MAPK9: variants seen among roughly 807,000 people sequenced by gnomAD.
MAPK9 encodes Jun kinase.
MAPK9 carries 30 observed loss-of-function variants against 57.1 expected under a neutral mutation model. The observed-to-expected ratio is 0.53, with a 90% confidence interval of 0.39 to 0.71. The LOEUF (loss-of-function observed/expected upper bound fraction) is 0.71, where lower values mean the gene tolerates loss of function less well. Among genes scored for constraint, MAPK9 ranks in the 30% least tolerant of loss-of-function variants. MAPK9 has a pLI of 0.00. For missense variants in MAPK9, 362 were observed against 521.0 expected (o/e 0.69, Z 2.97); for synonymous variants, 155 against 177.0 (o/e 0.88, Z 0.99).
intron 2 of MAPK9, among the ~76,000 whole-genome samples, chr5:180,274,138 T>C (rs1761607483): frequency 6.6e-6 from 1 of 152,222 alleles, no homozygotes; most frequent in Non-Finnish European, 1.5e-5. Context: ...GCTTTTTGTA[T>C]ACAAGTCTTT....
At chr5:180,267,430 C>T (rs527933369) in intron 3 of MAPK9, among the ~76,000 whole-genome samples, 39 of 151,734 alleles carry the variant, frequency 2.6e-4, no homozygotes, top group South Asian at 2.5e-3. Flanking sequence ...GGTGTGGTGG[C>T]GGGCACCTGT....
chr5:180,248,646 A>G (rs371964454), intron 6 of MAPK9, among the ~76,000 whole-genome samples: 220 of 152,296 alleles, frequency 1.4e-3, no homozygotes, highest in African/African-American at 5.1e-3. Context: ...AGGAGGGGCC[A>G]TGGGGAGGCC....
intron 3 of MAPK9, among the ~76,000 whole-genome samples, chr5:180,268,144 C>T (rs968281523): frequency 6.6e-6 from 1 of 152,168 alleles, no homozygotes; most frequent in Non-Finnish European, 1.5e-5. Flanking sequence ...AATTTTATAA[C>T]ATGGCAACGT....
intron 7 of MAPK9, among the ~76,000 whole-genome samples, chr5:180,244,260 G>A (rs555168121): frequency 6.6e-6 from 1 of 152,150 alleles, no homozygotes; most frequent in East Asian, 1.9e-4. Flanking sequence ...TGGGCTCCCG[G>A]CTACACTAAG....
Position 180,292,053 on chromosome 5 carries a change from C to G in MAPK9, c.-253G>C, listed in dbSNP as rs1266931264. 3 of 152,340 alleles carry G rather than the reference C, an allele frequency of 2.0e-5. No individual in the cohort carries two copies. The highest frequency in any genetic ancestry group is 4.4e-5 in the Non-Finnish European group (3 of 68,362). 9.4% of individuals were successfully genotyped at this position (152,340 alleles called of 1,614,324 possible). ...GACCCTTCCGGTCCCGCTCCCTTCT[C>G]CGCCGCTGCCGCCGCCGCGGCGCCC... On this transcript the variant is annotated 5_prime_UTR_variant, in exon 1 of 12. Coordinates refer to ENST00000452135, the MANE Select transcript of MAPK9 (RefSeq NM_002752.5).
At chr5:180,267,620 C>T (rs1052569426) in intron 3 of MAPK9, among the ~76,000 whole-genome samples, 9 of 147,308 alleles carry the variant, frequency 6.1e-5, no homozygotes, top group African/African-American at 1.0e-4. Context: ...GAAATTTAAA[C>T]CAACTCAAGC....
At chr5:180,248,023 C>T in intron 6 of MAPK9, 3 of 1,119,348 alleles carry the variant, frequency 2.7e-6, no homozygotes, top group South Asian at 3.0e-5. Flanking sequence ...CACTAGCTTG[C>T]CGGCGGGAGC....
At chr5:180,248,460 A>G (rs1402853841) in intron 6 of MAPK9, among the ~76,000 whole-genome samples, 1 of 152,272 alleles carries the variant, frequency 6.6e-6, no homozygotes, top group Non-Finnish European at 1.5e-5. Flanking sequence ...GCCAAGTTTC[A>G]AAGAGCTCTG....
At chr5:180,270,875 A>AG (rs1412426776) in intron 2 of MAPK9, among the ~76,000 whole-genome samples, 19 of 104,560 alleles carry the variant, frequency 1.8e-4, no homozygotes, top group Admixed American at 4.0e-4. Context: ...AAAAAAAAAG[A>AG]AAAAGAAAAA....
At chr5:180,241,336 G>A (rs1201685294) in intron 8 of MAPK9, among the ~76,000 whole-genome samples, 181 bp from the exon 9 acceptor site, 3 of 148,664 alleles carry the variant, frequency 2.0e-5, no homozygotes, top group South Asian at 2.1e-4. Context: ...ACGGAGTCTC[G>A]CTCTGTCGCC....
intron 2 of MAPK9, among the ~76,000 whole-genome samples, chr5:180,272,362 T>C (rs1362434528): frequency 1.3e-5 from 2 of 152,218 alleles, no homozygotes; most frequent in Non-Finnish European, 2.9e-5. Flanking sequence ...TCCACTGATT[T>C]CCACACTGAG....
At chr5:180,266,738 C>T (rs527927746) in intron 3 of MAPK9, among the ~76,000 whole-genome samples, 59 of 152,182 alleles carry the variant, frequency 3.9e-4, no homozygotes, top group Middle Eastern at 3.4e-3. Context: ...GTGAAGTGAC[C>T]GTGCCCAGCT....
chr5:180,238,371 C>T lies in MAPK9; in HGVS notation c.1093G>A (p.Glu365Lys), dbSNP rs114874915. The change falls in exon 11 of 12, where the codon GAA (glutamate) becomes AAA (lysine). Residue 365 changes from glutamate (E) to lysine (K), a missense_variant. Physicochemically the swap from Glu to Lys is moderately conservative, Grantham distance 56. Transcript: ENST00000452135. ...TTTACAACACCATTCTTGCTTCTTT[C>T]TTCCCAATCCATGACTTCTTTGTAA... Reference protein sequence around the residue: ...LIYKEVMDWEERSKNGVVKDQ... With the variant: ...LIYKEVMDWEKRSKNGVVKDQ... 2.2e-4 allele frequency: 362 copies of T among 1,612,298 alleles called. 1 individual carries two copies. In the East Asian group the frequency reaches 7.3e-3, roughly 33 times the overall value.
intron 5 of MAPK9, among the ~76,000 whole-genome samples, chr5:180,250,866 C>T (rs1429304469): frequency 6.6e-6 from 1 of 152,276 alleles, no homozygotes; most frequent in African/African-American, 2.4e-5. Flanking sequence ...TGCCTCCCTG[C>T]ATGAAGGAAA....
chr5:180,288,736 C>T (rs1374984065), intron 1 of MAPK9, among the ~76,000 whole-genome samples: 4 of 152,156 alleles, frequency 2.6e-5, no homozygotes, highest in Admixed American at 6.5e-5. Flanking sequence ...TTACTGGGCA[C>T]CCACTGTGTA....
chr5:180,236,623 T>C (rs1757194442), intron 11 of MAPK9, 97 bp from the exon 12 acceptor site: 2 of 1,363,228 alleles, frequency 1.5e-6, no homozygotes, highest in East Asian at 2.4e-5. Context: ...TCTGTCCTTT[T>C]GCAGTTTCCC....
chr5:180,267,638 T>G (rs1021479003), intron 3 of MAPK9, among the ~76,000 whole-genome samples: 13 of 148,954 alleles, frequency 8.7e-5, no homozygotes, highest in African/African-American at 3.2e-4. Flanking sequence ...AGCCACAGAC[T>G]CAAAAGAAGG....
At chr5:180,240,076 A>G (rs1056646596) in intron 9 of MAPK9, 89 bp from the exon 10 acceptor site, 1 of 943,914 alleles carries the variant, frequency 1.1e-6, no homozygotes, top group African/African-American at 1.6e-5. Flanking sequence ...GAAGACTTCT[A>G]GTCTATTTAT....
intron 9 of MAPK9, among the ~76,000 whole-genome samples, chr5:180,240,488 C>G (rs559854485): frequency 4.6e-5 from 7 of 152,338 alleles, no homozygotes; most frequent in Middle Eastern, 3.4e-3. Context: ...CAGGCCATGA[C>G]ATAAACATGT....
Sources: allele counts gnomAD v4.1 joint callset (sites outside exome capture counted in the v4.1 genomes callset), GRCh38; gene constraint gnomAD v4.1.1; transcripts MANE v1.5; gene names NCBI Gene and HGNC (gene_info 2026-07-23, HGNC 2026-07-21).